Variants in KIZ observed in about 807,000 individuals in gnomAD.
KIZ encodes the protein kizuna centrosomal protein.
A neutral mutation model predicts 79.6 loss-of-function variants in KIZ; 68 were observed. The ratio of observed to expected loss-of-function variants is 0.85; its 90% CI spans 0.70 to 1.05. The LOEUF (loss-of-function observed/expected upper bound fraction) is 1.05. Ranked by LOEUF, KIZ falls within the 50% of genes least tolerant of loss-of-function variation. KIZ has a pLI of 0.00. For synonymous variants in KIZ, 280 were observed against 281.8 expected (o/e 0.99, Z 0.06); for missense variants, 797 against 800.4 (o/e 1.00, Z 0.05).
intron 6 of KIZ, among the ~76,000 whole-genome samples, chr20:21,184,790 C>A (rs1265911987): frequency 2.6e-5 from 4 of 152,114 alleles, no homozygotes; most frequent in Admixed American, 2.6e-4. Context: ...GCCTTTTATC[C>A]CAGCACTTTG....
At chr20:21,213,363 G>GTT (rs1355193131) in intron 7 of KIZ, among the ~76,000 whole-genome samples, 2 of 152,208 alleles carry the variant, frequency 1.3e-5, no homozygotes, top group African/African-American at 4.8e-5. Context: ...AAGGAAGGTT[G>GTT]TTTTTTCCAC....
chr20:21,128,549 A>G (rs1242566696), intron 1 of KIZ, among the ~76,000 whole-genome samples: 2 of 152,328 alleles, frequency 1.3e-5, no homozygotes, highest in Admixed American at 1.3e-4. Context: ...TTCCAGCCCA[A>G]GTCATGTTAG....
chr20:21,150,750 G>C (rs1421273372), intron 4 of KIZ: 1 of 152,038 alleles, frequency 6.6e-6, no homozygotes, highest in African/African-American at 2.4e-5. Flanking sequence ...CAGCTCACTT[G>C]ACAGTAAGCT....
At chr20:21,167,559 C>CTTTT (rs11445129) in intron 6 of KIZ, among the ~76,000 whole-genome samples, 9 of 111,790 alleles carry the variant, frequency 8.1e-5, no homozygotes, top group Admixed American at 1.1e-4. Context: ...GTTTGTTTCG[C>CTTTT]TTTTTTTTTT....
chr20:21,139,799 G>T (rs1456499309), intron 3 of KIZ, among the ~76,000 whole-genome samples: 2 of 152,154 alleles, frequency 1.3e-5, no homozygotes, highest in African/African-American at 4.8e-5. Flanking sequence ...AAACTAGATA[G>T]GAATATGAAA....
At chr20:21,244,341 C>G (rs934868722) in intron 12 of KIZ, 53 bp downstream of exon 12, 1 of 1,271,254 alleles carries the variant, frequency 7.9e-7, no homozygotes, top group Non-Finnish European at 1.1e-6. Context: ...AACCAAAAAA[C>G]TCTGTGACAT....
chr20:21,142,790 C>CAAAAAAAAAAATAAAT (rs1555873845), intron 3 of KIZ, among the ~76,000 whole-genome samples: 1 of 147,840 alleles, frequency 6.8e-6, no homozygotes, highest in Admixed American at 6.7e-5. Context: ...GCCCTTGTCT[C>CAAAAAAAAAAATAAAT]AAATAAATAA....
intron 3 of KIZ, 150 bp downstream of exon 3, chr20:21,136,702 G>T: frequency 1.9e-6 from 1 of 537,544 alleles, no homozygotes. Flanking sequence ...TGAGTAGCTG[G>T]GATTACAGGT....
In KIZ at chr20:21,162,247, G is replaced by C; in HGVS notation, c.782G>C (p.Gly261Ala). 1 of 1,613,960 alleles carries C rather than the reference G, an allele frequency of 6.2e-7. No individual in the cohort carries two copies. Among genetic ancestry groups the C allele is most frequent in the South Asian group, 1.1e-5 (1 of 91,084 alleles). The stretch of plus-strand genomic sequence containing the variant: ...GAGATAGGAAGTAACACACGTCATG[G>C]CAAGAGTAATTTATCTGAAGGCAAA... ...CLEIGSNTRHGKSNLSEGKKS... is the reference protein window; with the variant it reads ...CLEIGSNTRHAKSNLSEGKKS... The change falls in exon 5 of 13, where the codon GGC becomes GCC. Residue 261 changes from glycine (G) to alanine (A), a missense_variant. Gly to Ala is a moderately conservative substitution (Grantham distance 60). Coordinates refer to ENST00000619189, the MANE Select transcript of KIZ (RefSeq NM_018474.6).
At chr20:21,190,849 TA>T (rs2123024949) in intron 6 of KIZ, among the ~76,000 whole-genome samples, 1 of 152,350 alleles carries the variant, frequency 6.6e-6, no homozygotes, top group East Asian at 1.9e-4. Context: ...TTTTTATGTT[TA>T]GAATTGCCCT....
chr20:21,239,518 G>C (rs1218618668), intron 11 of KIZ, among the ~76,000 whole-genome samples: 12 of 152,298 alleles, frequency 7.9e-5, no homozygotes, highest in Admixed American at 2.6e-4. Flanking sequence ...TGAATGCTGT[G>C]TTCTAATTAA....
chr20:21,130,905 G>A (rs1319489513), intron 1 of KIZ, among the ~76,000 whole-genome samples: 1 of 152,142 alleles, frequency 6.6e-6, no homozygotes, highest in Admixed American at 6.5e-5. Flanking sequence ...TGGAGCATGG[G>A]GCCAGCCCCT....
chr20:21,214,666 TG>T lies in KIZ; in HGVS notation c.1579del (p.Val527TyrfsTer41), dbSNP rs751328853. ...NSGIKEAKPA[V>X]WLNSVPTREQ... ...GTGGAATAAAGGAAGCCAAACCTGC[TG>T]TATGGCTCAACAGTGTTCCTACAAG... On this transcript the variant is annotated frameshift_variant, in exon 8 of 13. Transcript: ENST00000619189. LOFTEE classifies it high-confidence loss of function. 3.7e-6 allele frequency: 6 copies of T among 1,612,458 alleles called. No individual in the cohort carries two copies. The highest frequency in any genetic ancestry group is 1.3e-5 in the African/African-American group (1 of 74,906).
chr20:21,243,623 G>T (rs1272456092), intron 11 of KIZ, among the ~76,000 whole-genome samples: 1 of 152,158 alleles, frequency 6.6e-6, no homozygotes, highest in African/African-American at 2.4e-5. Context: ...TCCTGAAAAG[G>T]CACACAGAGA....
intron 4 of KIZ, among the ~76,000 whole-genome samples, chr20:21,156,568 A>T (rs973780418): frequency 6.6e-6 from 1 of 152,172 alleles, no homozygotes; most frequent in Non-Finnish European, 1.5e-5. Context: ...ATACTTGGTG[A>T]TAATAATAAT....
chr20:21,191,001 A>C (rs1434969462), intron 6 of KIZ, among the ~76,000 whole-genome samples: 1 of 152,190 alleles, frequency 6.6e-6, no homozygotes, highest in African/African-American at 2.4e-5. Flanking sequence ...GGAAACTAGC[A>C]GGTCAGGAGC....
intron 6 of KIZ, among the ~76,000 whole-genome samples, chr20:21,175,207 CACTTCATTCT>C (rs2034382571): frequency 6.6e-6 from 1 of 152,202 alleles, no homozygotes; most frequent in African/African-American, 2.4e-5. Flanking sequence ...TTCTACCTGT[CACTTCATTCT>C]AATCTTGCCT....
intron 7 of KIZ, 114 bp downstream of exon 7, chr20:21,205,698 C>CA (rs1379027871): frequency 5.5e-6 from 3 of 547,362 alleles, no homozygotes; most frequent in Non-Finnish European, 9.5e-6. Context: ...CGCCGTGGCT[C>CA]ACGCCTGTAA....
rs543038599 is a variant in KIZ, at chr20:21,148,154, G to A, written c.405+2500G>A. Among the ~76,000 whole-genome samples, 20 of 152,202 alleles carry A rather than the reference G, an allele frequency of 1.3e-4. No homozygotes were observed. The South Asian group carries it at 3.9e-3, about 30-fold the overall frequency. On this transcript the variant is annotated intron_variant, in intron 4 of 12. Transcript: ENST00000619189. ...TTCAGACAGGAGGAATTAACAGAAT[G>A]GAGGACCTGTATTGGGGATGGCCAT...
Sources: gnomAD v4.1 joint callset for allele counts (sites outside exome capture counted in the v4.1 genomes callset) on GRCh38, gnomAD v4.1.1 for gene constraint, MANE v1.5 for transcripts, NCBI Gene and HGNC (gene_info 2026-07-23, HGNC 2026-07-21) for gene names.